RBFOX1: variants seen among roughly 807,000 people sequenced by gnomAD.
The protein encoded by RBFOX1 is RNA binding protein fox-1 homolog 1.
Under a neutral mutation model 57.7 loss-of-function variants are expected in RBFOX1, and 8 were observed. The ratio of observed to expected loss-of-function variants is 0.14; its 90% CI spans 0.08 to 0.25. RBFOX1 has a LOEUF of 0.25. Among genes scored for constraint, RBFOX1 ranks in the 10% least tolerant of loss-of-function variants. The probability of loss-of-function intolerance (pLI) is 1.00; values close to 1 mark genes in which losing one functional copy is unlikely to be tolerated. For synonymous variants in RBFOX1, 326 were observed against 222.4 expected, an observed-to-expected ratio of 1.47 and a Z score of -4.15; for missense variants, 611 against 548.5, an observed-to-expected ratio of 1.11 and a Z score of -1.14.
chr16:6,502,655 G>A (rs2095971747), intron 2 of RBFOX1, among the ~76,000 whole-genome samples: 1 of 152,138 alleles, frequency 6.6e-6, no homozygotes, highest in Non-Finnish European at 1.5e-5. Flanking sequence ...GTGTTTGTAT[G>A]TGGAACTTTT....
intron 1 of RBFOX1, among the ~76,000 whole-genome samples, chr16:6,161,001 G>A (rs1220550253): frequency 1.1e-4 from 16 of 152,144 alleles, no homozygotes; most frequent in Non-Finnish European, 2.1e-4. Context: ...AATGGAATGC[G>A]AGCTCCATGA....
chr16:5,818,798 T>TC (rs1172362725), intron 3 of RBFOX1, among the ~76,000 whole-genome samples: 6 of 152,256 alleles, frequency 3.9e-5, no homozygotes, highest in African/African-American at 1.2e-4. Flanking sequence ...GATCCCTGTG[T>TC]CCATTATGTT....
intron 2 of RBFOX1, among the ~76,000 whole-genome samples, chr16:6,569,768 T>C (rs1024669350): frequency 7.9e-5 from 12 of 152,196 alleles, no homozygotes; most frequent in African/African-American, 2.9e-4. Context: ...AAGCATACCT[T>C]CCTGAGTGGT....
chr16:7,163,846 G>A (rs779506673), intron 4 of RBFOX1, among the ~76,000 whole-genome samples: 30 of 151,996 alleles, frequency 2.0e-4, no homozygotes, highest in Non-Finnish European at 3.7e-4. Context: ...TTTTGGTAGA[G>A]ATGAAGTTTT....
chr16:7,371,549 A>G (rs1478319267), intron 4 of RBFOX1, among the ~76,000 whole-genome samples: 1 of 152,182 alleles, frequency 6.6e-6, no homozygotes, highest in African/African-American at 2.4e-5. Context: ...CAGGAGATCG[A>G]GACCAGCCTG....
intron 1 of RBFOX1, among the ~76,000 whole-genome samples, chr16:6,310,799 C>T (rs2080167452): frequency 6.6e-6 from 1 of 151,666 alleles, no homozygotes; most frequent in Non-Finnish European, 1.5e-5. Context: ...GAGATGCTAA[C>T]TGGATTCTAA....
chr16:5,817,490 C>A (rs1174944233), intron 3 of RBFOX1, among the ~76,000 whole-genome samples: 1 of 151,960 alleles, frequency 6.6e-6, no homozygotes, highest in Non-Finnish European at 1.5e-5. Flanking sequence ...AATGGATGAA[C>A]AAGTGAGTGA....
intron 1 of RBFOX1, among the ~76,000 whole-genome samples, chr16:5,383,375 A>C (rs2066176578): frequency 6.6e-6 from 1 of 152,192 alleles, no homozygotes; most frequent in Non-Finnish European, 1.5e-5. Context: ...TTGCTTGCCA[A>C]AACTCATCTG....
intron 11 of RBFOX1, among the ~76,000 whole-genome samples, chr16:7,637,634 A>T (rs2061989029): frequency 6.6e-6 from 1 of 152,334 alleles, no homozygotes; most frequent in Non-Finnish European, 1.5e-5. Flanking sequence ...CTCAGTTACT[A>T]GAAAGGACAC....
chr16:7,121,348 G>C (rs1415510901), intron 4 of RBFOX1, among the ~76,000 whole-genome samples: 5 of 151,988 alleles, frequency 3.3e-5, no homozygotes, highest in Non-Finnish European at 7.4e-5. Context: ...TAATAGAATT[G>C]TCTATTTATA....
chr16:7,041,082 ATTTT>A (rs61569211), intron 3 of RBFOX1, among the ~76,000 whole-genome samples: 390 of 109,304 alleles, frequency 3.6e-3, no homozygotes, highest in South Asian at 5.9e-3. Flanking sequence ...CGCCCAGCTA[ATTTT>A]TTTTTTTTTT....
chr16:6,948,115 A>C (rs1465788950), intron 3 of RBFOX1, among the ~76,000 whole-genome samples: 1 of 152,008 alleles, frequency 6.6e-6, no homozygotes, highest in African/African-American at 2.4e-5. Context: ...TTTGAGAAGG[A>C]GTAGAAAACA....
intron 3 of RBFOX1, among the ~76,000 whole-genome samples, chr16:5,642,337 C>T (rs977438942): frequency 6.6e-6 from 1 of 152,174 alleles, no homozygotes; most frequent in Admixed American, 6.5e-5. Flanking sequence ...TACATGAAAG[C>T]AATCCATGCG....
At chr16:6,388,965 C>G (rs2092449886) in intron 2 of RBFOX1, among the ~76,000 whole-genome samples, 1 of 152,148 alleles carries the variant, frequency 6.6e-6, no homozygotes, top group South Asian at 2.1e-4. Flanking sequence ...TGGACAATGA[C>G]ATCACTTGAA....
intron 4 of RBFOX1, among the ~76,000 whole-genome samples, chr16:7,459,028 GGATGGATGAAT>G (rs2059060615): frequency 1.3e-5 from 2 of 152,152 alleles, no homozygotes; most frequent in Non-Finnish European, 2.9e-5. Context: ...ATGGGTGAAT[GGATGGATGAAT>G]GATGGATGGA....
chr16:6,178,906 T>C (rs997079283), intron 1 of RBFOX1, among the ~76,000 whole-genome samples: 4 of 152,198 alleles, frequency 2.6e-5, no homozygotes, highest in African/African-American at 4.8e-5. Context: ...CTGAATACTC[T>C]CATATAAGGA....
At chr16:6,708,534 G>A (rs1438535980) in intron 3 of RBFOX1, among the ~76,000 whole-genome samples, 1 of 151,926 alleles carries the variant, frequency 6.6e-6, no homozygotes, top group Non-Finnish European at 1.5e-5. Context: ...GGACAATTTC[G>A]CACAAATATG....
At chr16:7,566,116 T>C (rs1275454837) in intron 5 of RBFOX1, among the ~76,000 whole-genome samples, 2 of 152,188 alleles carry the variant, frequency 1.3e-5, no homozygotes, top group Non-Finnish European at 2.9e-5. Flanking sequence ...TGTTTAGTCA[T>C]GGGGTGCTCA....
intron 3 of RBFOX1, among the ~76,000 whole-genome samples, chr16:5,698,754 A>G (rs2050928621): frequency 6.6e-6 from 1 of 152,232 alleles, no homozygotes; most frequent in African/African-American, 2.4e-5. Context: ...TACAACATAA[A>G]GTCATTTGTT....
Sources: allele counts gnomAD v4.1 joint callset (sites outside exome capture counted in the v4.1 genomes callset), GRCh38; gene constraint gnomAD v4.1.1; transcripts MANE v1.5; gene names NCBI Gene and HGNC (gene_info 2026-07-23, HGNC 2026-07-21).